The following MCC variants were observed in gnomAD, a reference collection of about 807,000 sequenced individuals.
The protein encoded by MCC is MCC regulator of Wnt signaling pathway, also known as colorectal mutant cancer protein.
A neutral mutation model predicts 116.2 loss-of-function variants in MCC; 90 were observed. That is an observed-to-expected ratio of 0.77 (90% confidence interval 0.65 to 0.92). The LOEUF is 0.92. MCC is among the 40% of genes least tolerant of loss of function. The pLI, the probability that MCC is intolerant of heterozygous loss-of-function variation, is 0.00. For missense variants in MCC, 1,516 were observed against 1,312.2 expected (o/e 1.16, Z -2.40); for synonymous variants, 578 against 510.5 (o/e 1.13, Z -1.78).
intron 5 of MCC, among the ~76,000 whole-genome samples, chr5:113,140,490 C>T (rs1264622119): frequency 2.6e-5 from 4 of 152,206 alleles, no homozygotes; most frequent in Admixed American, 1.3e-4. Flanking sequence ...CTCACATTAG[C>T]ATCTGCAACC....
intron 3 of MCC, among the ~76,000 whole-genome samples, chr5:113,249,821 C>A (rs952205918): frequency 1.5e-4 from 23 of 152,198 alleles, no homozygotes; most frequent in Non-Finnish European, 2.5e-4. Flanking sequence ...GCCCCCTTAT[C>A]CACTGCTCCT....
intron 5 of MCC, among the ~76,000 whole-genome samples, chr5:113,124,309 A>G (rs1757911681): frequency 2.0e-5 from 3 of 152,258 alleles, no homozygotes. Context: ...TTTGGTCTAC[A>G]GGATGATTGT....
chr5:113,046,710 A>AAAAAAAAAAAAAAAAAAAAAAAAGAG, intron 16 of MCC, among the ~76,000 whole-genome samples: 7 of 102,408 alleles, frequency 6.8e-5, no homozygotes, highest in African/African-American at 1.2e-4. Context: ...AAAAAAAAAA[A>AAAAAAAAAAAAAAAAAAAAAAAAGAG]AGAGAGAGAT....
At chr5:113,462,931 T>A (rs1771785972) in intron 1 of MCC, among the ~76,000 whole-genome samples, 1 of 152,028 alleles carries the variant, frequency 6.6e-6, no homozygotes, top group Non-Finnish European at 1.5e-5. Flanking sequence ...TTCCCACGAA[T>A]GAACATATCA....
intron 14 of MCC, among the ~76,000 whole-genome samples, chr5:113,062,805 G>T (rs557307536): frequency 4.5e-4 from 69 of 152,336 alleles, no homozygotes; most frequent in Middle Eastern, 3.4e-3. Flanking sequence ...TGGGACACCT[G>T]GGCCAGTAGA....
At chr5:113,097,743 A>C (rs1362912423) in intron 8 of MCC, among the ~76,000 whole-genome samples, 1 of 152,186 alleles carries the variant, frequency 6.6e-6, no homozygotes, top group African/African-American at 2.4e-5. Context: ...GGCTGGTCTC[A>C]AACTCCTGGG....
chr5:113,270,234 G>T (rs1765560973), intron 3 of MCC, among the ~76,000 whole-genome samples: 2 of 152,204 alleles, frequency 1.3e-5, no homozygotes, highest in Admixed American at 6.5e-5. Flanking sequence ...GGTTAGGAAT[G>T]TAATAGTTCT....
At chr5:113,332,599 A>G (rs1217769850) in intron 3 of MCC, among the ~76,000 whole-genome samples, 2 of 150,630 alleles carry the variant, frequency 1.3e-5, no homozygotes, top group African/African-American at 4.9e-5. Context: ...AGAAGAAACT[A>G]GTACATATAA....
At chr5:113,075,908 G>A (rs1207167046) in intron 11 of MCC, among the ~76,000 whole-genome samples, 2 of 152,152 alleles carry the variant, frequency 1.3e-5, no homozygotes, top group African/African-American at 4.8e-5. Flanking sequence ...ACCACCAGAA[G>A]GAACCAACAA....
chr5:113,261,089 C>T (rs1489329211), intron 3 of MCC, among the ~76,000 whole-genome samples: 2 of 152,126 alleles, frequency 1.3e-5, no homozygotes, highest in Non-Finnish European at 2.9e-5. Context: ...TCCTGAACAA[C>T]CCATCCTAAG....
chr5:113,311,110 A>G lies in MCC; in HGVS notation c.627+29409T>C, dbSNP rs1767125790. 3.3e-5 allele frequency among the ~76,000 whole-genome samples: 5 copies of G among 152,324 alleles called. No homozygotes were observed. The South Asian group carries it at 6.2e-4, about 19-fold the overall frequency. ...AAGCCACTGCACTTCAGTCTGGGTG[A>G]CAGAGCAAGACCTGTCTCTTAAAAA... On this transcript the variant is annotated intron_variant, in intron 3 of 18. Transcript: ENST00000408903.
intron 2 of MCC, among the ~76,000 whole-genome samples, chr5:113,362,026 C>T (rs1026801422): frequency 4.6e-5 from 7 of 152,202 alleles, no homozygotes; most frequent in Non-Finnish European, 7.3e-5. Context: ...TTCTCAGACT[C>T]CATGAACACA....
chr5:113,364,009 A>G (rs1373525436), intron 2 of MCC, among the ~76,000 whole-genome samples: 1 of 152,104 alleles, frequency 6.6e-6, no homozygotes, highest in African/African-American at 2.4e-5. Context: ...CAAGGCAGGC[A>G]GATCACAAGG....
At chr5:113,448,566 A>T (rs187104650) in intron 1 of MCC, among the ~76,000 whole-genome samples, 4 of 152,180 alleles carry the variant, frequency 2.6e-5, no homozygotes, top group African/African-American at 9.6e-5. Context: ...GATACCAATG[A>T]TCCCTGAAGT....
chr5:113,364,602 G>C (rs1768640248), intron 2 of MCC, among the ~76,000 whole-genome samples: 1 of 152,244 alleles, frequency 6.6e-6, no homozygotes, highest in Admixed American at 6.5e-5. Context: ...GGACTTGTGT[G>C]GGGGCTCCAA....
chr5:113,298,180 T>A (rs1451515740), intron 3 of MCC, among the ~76,000 whole-genome samples: 2 of 152,214 alleles, frequency 1.3e-5, no homozygotes, highest in Non-Finnish European at 2.9e-5. Flanking sequence ...GAAGGCTGTT[T>A]TGTTTTGTTT....
intron 1 of MCC, among the ~76,000 whole-genome samples, chr5:113,446,187 C>T (rs1771214125): frequency 6.6e-6 from 1 of 152,068 alleles, no homozygotes; most frequent in East Asian, 1.9e-4. Flanking sequence ...TGAACAATGA[C>T]CTTGGGAAAT....
chr5:113,046,710 A>AAAAAAAAAAAAAAAAAAAAAG lies in MCC; in HGVS notation c.2655+2382_2655+2383insCTTTTTTTTTTTTTTTTTTTT. Among the ~76,000 whole-genome samples, 353 of 102,436 alleles carry AAAAAAAAAAAAAAAAAAAAAG rather than the reference A, an allele frequency of 3.4e-3. 60 individuals are homozygous for AAAAAAAAAAAAAAAAAAAAAG. The highest frequency in any genetic ancestry group is 4.4e-3 in the Non-Finnish European group (227 of 51,330). The allele number at this position is 102,436 out of a possible 152,430, so 67.2% of individuals were successfully genotyped here. ...CAAAAAAAAAAAAAAAAAAAAAAAA[A>AAAAAAAAAAAAAAAAAAAAAG]AGAGAGAGATTTTGAAGGTGTTTGT... On this transcript the variant is annotated intron_variant, in intron 16 of 18. Transcript: ENST00000408903.
chr5:113,076,328 G>C (rs953837676), intron 11 of MCC, among the ~76,000 whole-genome samples: 10 of 152,098 alleles, frequency 6.6e-5, no homozygotes, highest in Non-Finnish European at 1.3e-4. Context: ...GATACTCCTT[G>C]AGAAGAGCAT....
Sources: gnomAD v4.1 joint callset for allele counts (sites outside exome capture counted in the v4.1 genomes callset) on GRCh38, gnomAD v4.1.1 for gene constraint, MANE v1.5 for transcripts, NCBI Gene and HGNC (gene_info 2026-07-23, HGNC 2026-07-21) for gene names.